FAF1: variants seen among roughly 807,000 people sequenced by gnomAD.
FAF1 encodes the protein Fas associated factor 1.
In FAF1, 25 loss-of-function variants were observed where a neutral mutation model predicts 92.5. The observed-to-expected ratio is 0.27, with a 90% CI of 0.20 to 0.38. The LOEUF (loss-of-function observed/expected upper bound fraction) is 0.38. Ranked by LOEUF, FAF1 falls within the 10% of genes least tolerant of loss-of-function variation. The probability of loss-of-function intolerance (pLI) is 1.00; values close to 1 mark genes in which losing one functional copy is unlikely to be tolerated. For synonymous variants in FAF1, 234 were observed against 273.2 expected, an observed-to-expected ratio of 0.86 and a Z score of 1.42; for missense variants, 636 against 793.3, an observed-to-expected ratio of 0.80 and a Z score of 2.38.
At chr1:50,558,287 A>G (rs1334036919) in intron 13 of FAF1, among the ~76,000 whole-genome samples, 8 of 152,006 alleles carry the variant, frequency 5.3e-5, no homozygotes, top group Non-Finnish European at 1.2e-4. Flanking sequence ...TAGATTACTC[A>G]TGTTTTATAT....
intron 2 of FAF1, among the ~76,000 whole-genome samples, chr1:50,843,427 T>C (rs1437316497): frequency 2.0e-5 from 3 of 152,140 alleles, no homozygotes; most frequent in Non-Finnish European, 4.4e-5. Flanking sequence ...TTTAAAAATA[T>C]ACAATAAATT....
chr1:50,639,161 T>C (rs1196661728), intron 8 of FAF1, among the ~76,000 whole-genome samples: 2 of 152,246 alleles, frequency 1.3e-5, no homozygotes, highest in Non-Finnish European at 2.9e-5. Context: ...AGCATTCCAT[T>C]GTATAGATAT....
intron 15 of FAF1, among the ~76,000 whole-genome samples, chr1:50,504,119 G>T (rs948735570): frequency 3.3e-5 from 5 of 152,180 alleles, no homozygotes; most frequent in Admixed American, 3.3e-4. Context: ...CAGTAGCTTG[G>T]ACATAGGTAA....
chr1:50,456,529 T>C (rs1212893910), intron 18 of FAF1, among the ~76,000 whole-genome samples: 1 of 152,178 alleles, frequency 6.6e-6, no homozygotes, highest in East Asian at 1.9e-4. Flanking sequence ...GAAGATACCA[T>C]GAGTTTCTGA....
At chr1:50,867,800 A>G (rs1644494759) in intron 1 of FAF1, among the ~76,000 whole-genome samples, 1 of 152,194 alleles carries the variant, frequency 6.6e-6, no homozygotes, top group Non-Finnish European at 1.5e-5. Context: ...AAGTAGATCC[A>G]TCATTTTATC....
chr1:50,589,568 T>C (rs1260055364), intron 9 of FAF1, among the ~76,000 whole-genome samples: 1 of 152,234 alleles, frequency 6.6e-6, no homozygotes. Flanking sequence ...CTATATTTTA[T>C]AGACATTGAT....
chr1:50,570,346 T>G (rs1210250222), intron 12 of FAF1, among the ~76,000 whole-genome samples: 1 of 152,222 alleles, frequency 6.6e-6, no homozygotes, highest in Non-Finnish European at 1.5e-5. Context: ...AAACCCACAT[T>G]GACCTCTCTC....
intron 15 of FAF1, among the ~76,000 whole-genome samples, chr1:50,503,997 T>A (rs977221291): frequency 6.6e-6 from 1 of 152,220 alleles, no homozygotes; most frequent in African/African-American, 2.4e-5. Flanking sequence ...ATGTCAAAAC[T>A]TGTCAAATTA....
chr1:50,559,244 C>T lies in FAF1; in HGVS notation c.1268+7833G>A, dbSNP rs1011386209. Among the ~76,000 whole-genome samples the T allele has an allele frequency of 6.0e-5, 9 of 150,952 alleles. No individual in the cohort carries two copies. The East Asian group carries it at 1.7e-3, about 29-fold the overall frequency. ...CCAGCCTAGGCAACAGAGCGAGACTCCGTCTCAAAAAAAAAAAAAAGGATA... is the reference window on the plus strand; with the variant it reads ...CCAGCCTAGGCAACAGAGCGAGACTTCGTCTCAAAAAAAAAAAAAAGGATA... On this transcript the variant is annotated intron_variant, in intron 13 of 18. Coordinates refer to ENST00000396153, the MANE Select transcript of FAF1 (RefSeq NM_007051.3).
chr1:50,636,725 A>G (rs924384209), intron 8 of FAF1, among the ~76,000 whole-genome samples: 19 of 151,472 alleles, frequency 1.3e-4, no homozygotes, highest in Admixed American at 1.1e-3. Context: ...CAATTTATCC[A>G]TTTTTTTTCC....
chr1:50,729,052 A>ATTTTTTTTTTT (rs1490540715), intron 6 of FAF1, among the ~76,000 whole-genome samples: 1 of 97,926 alleles, frequency 1.0e-5, no homozygotes, highest in African/African-American at 4.3e-5. Context: ...ATATATATAT[A>ATTTTTTTTTTT]TATATATTTT....
At chr1:50,895,992 AG>A (rs1350499646) in intron 1 of FAF1, among the ~76,000 whole-genome samples, 1 of 152,228 alleles carries the variant, frequency 6.6e-6, no homozygotes, top group Non-Finnish European at 1.5e-5. Flanking sequence ...TGGGAACACA[AG>A]GATGCCCACT....
At chr1:50,615,026 C>T (rs1652847232) in intron 8 of FAF1, among the ~76,000 whole-genome samples, 1 of 152,092 alleles carries the variant, frequency 6.6e-6, no homozygotes, top group African/African-American at 2.4e-5. Flanking sequence ...GGTAGTTTTA[C>T]AACCCACACC....
At chr1:50,955,428 T>C (rs1365142544) in intron 1 of FAF1, among the ~76,000 whole-genome samples, 1 of 152,248 alleles carries the variant, frequency 6.6e-6, no homozygotes, top group Non-Finnish European at 1.5e-5. Context: ...TAACATACTA[T>C]GTACGTGTAA....
chr1:50,470,398 C>T (rs1646556812), intron 18 of FAF1, among the ~76,000 whole-genome samples: 1 of 152,176 alleles, frequency 6.6e-6, no homozygotes, highest in Non-Finnish European at 1.5e-5. Context: ...AATTTTACCT[C>T]CCTTGATTCT....
intron 8 of FAF1, among the ~76,000 whole-genome samples, chr1:50,602,618 T>G (rs1652197607): frequency 6.6e-6 from 1 of 151,458 alleles, no homozygotes; most frequent in Non-Finnish European, 1.5e-5. Flanking sequence ...TTCTCCTGCC[T>G]CAGCCTCCTG....
intron 2 of FAF1, among the ~76,000 whole-genome samples, chr1:50,823,041 T>C (rs1644059947): frequency 6.6e-6 from 1 of 152,122 alleles, no homozygotes; most frequent in African/African-American, 2.4e-5. Context: ...CCCAAAGTGT[T>C]GGGATTGCAG....
intron 8 of FAF1, among the ~76,000 whole-genome samples, chr1:50,654,931 C>T (rs1036924709): frequency 4.0e-5 from 6 of 151,458 alleles, no homozygotes; most frequent in Admixed American, 6.6e-5. Flanking sequence ...CAAATTATTA[C>T]AACTTCTCTT....
intron 4 of FAF1, among the ~76,000 whole-genome samples, chr1:50,779,897 G>A (rs551466392): frequency 2.6e-5 from 4 of 151,546 alleles, no homozygotes; most frequent in South Asian, 4.2e-4. Context: ...AGCCTGGGCC[G>A]CTTAGTGAGA....
Sources: gnomAD v4.1 joint callset for allele counts (sites outside exome capture counted in the v4.1 genomes callset) on GRCh38, gnomAD v4.1.1 for gene constraint, MANE v1.5 for transcripts, NCBI Gene and HGNC (gene_info 2026-07-23, HGNC 2026-07-21) for gene names.